PTPRD: variants seen among roughly 807,000 people sequenced by gnomAD.
The protein encoded by PTPRD is protein tyrosine phosphatase receptor type D.
Under a neutral mutation model 214.5 loss-of-function variants are expected in PTPRD, and 34 were observed. The observed-to-expected ratio is 0.16, with a 90% CI of 0.12 to 0.21. PTPRD has a LOEUF of 0.21. Among genes scored for constraint, PTPRD ranks in the 10% least tolerant of loss-of-function variants. PTPRD has a pLI of 1.00. For missense variants in PTPRD, 2,545 were observed against 2,398.7 expected, an observed-to-expected ratio of 1.06 and a Z score of -1.27; for synonymous variants, 1,128 against 845.7, an observed-to-expected ratio of 1.33 and a Z score of -5.79.
intron 8 of PTPRD, among the ~76,000 whole-genome samples, chr9:9,466,777 G>A (rs182911643): frequency 1.1e-4 from 17 of 152,062 alleles, no homozygotes; most frequent in Admixed American, 9.8e-4. Context: ...GTTAATCTGT[G>A]CAAAATGCCT....
intron 11 of PTPRD, among the ~76,000 whole-genome samples, chr9:8,798,162 G>A (rs993547706): frequency 3.9e-5 from 6 of 151,950 alleles, no homozygotes; most frequent in African/African-American, 1.5e-4. Flanking sequence ...TACATCTATG[G>A]ATCAAATTTT....
chr9:10,371,032 A>G (rs2154477552), intron 2 of PTPRD, among the ~76,000 whole-genome samples: 1 of 152,176 alleles, frequency 6.6e-6, no homozygotes, highest in African/African-American at 2.4e-5. Flanking sequence ...TAAAATTTAA[A>G]GTTATAATGA....
chr9:9,975,932 C>G (rs1389386053), intron 4 of PTPRD, among the ~76,000 whole-genome samples: 1 of 152,142 alleles, frequency 6.6e-6, no homozygotes, highest in Non-Finnish European at 1.5e-5. Flanking sequence ...AAAGTTAGTG[C>G]TACTAACGTT....
chr9:10,252,774 G>C (rs1332414653), intron 3 of PTPRD, among the ~76,000 whole-genome samples: 1 of 151,966 alleles, frequency 6.6e-6, no homozygotes, highest in African/African-American at 2.4e-5. Context: ...CACAGTCACA[G>C]AGCCGAAGTG....
At chr9:8,762,061 T>C (rs573109752) in intron 11 of PTPRD, among the ~76,000 whole-genome samples, 25 of 152,234 alleles carry the variant, frequency 1.6e-4, no homozygotes, top group African/African-American at 5.8e-4. Flanking sequence ...GAAGACTAAG[T>C]CTAACCTTTT....
chr9:8,427,199 G>A (rs966645683), intron 35 of PTPRD, among the ~76,000 whole-genome samples: 1 of 152,160 alleles, frequency 6.6e-6, no homozygotes, highest in African/African-American at 2.4e-5. Flanking sequence ...AGTTAAATCT[G>A]AGAGGTCTGC....
chr9:9,233,903 T>G (rs1173552052), intron 9 of PTPRD, among the ~76,000 whole-genome samples: 1 of 152,180 alleles, frequency 6.6e-6, no homozygotes, highest in African/African-American at 2.4e-5. Flanking sequence ...GGGCTGGCAT[T>G]GAATGTCTAC....
chr9:10,451,914 A>G (rs956125580), intron 2 of PTPRD, among the ~76,000 whole-genome samples: 1 of 152,054 alleles, frequency 6.6e-6, no homozygotes, highest in African/African-American at 2.4e-5. Context: ...ATTATTTTCG[A>G]ATTAAAGCTT....
At chr9:9,706,277 A>C (rs2097604551) in intron 7 of PTPRD, among the ~76,000 whole-genome samples, 1 of 152,110 alleles carries the variant, frequency 6.6e-6, no homozygotes, top group Non-Finnish European at 1.5e-5. Context: ...AATTCTCCTA[A>C]ACAATTATTC....
chr9:10,395,981 C>A (rs575867466), intron 2 of PTPRD, among the ~76,000 whole-genome samples: 1 of 139,118 alleles, frequency 7.2e-6, no homozygotes, highest in Non-Finnish European at 1.5e-5. Flanking sequence ...GAGAGAGAGA[C>A]AGCGAGAGAC....
intron 5 of PTPRD, among the ~76,000 whole-genome samples, chr9:9,928,757 T>TACAC (rs60820386): frequency 0.21 from 31,291 of 147,010 alleles, 3,507 homozygotes; most frequent in East Asian, 0.37. Context: ...TCTCTCTCTA[T>TACAC]ACACACACAC....
In PTPRD at chr9:8,807,572, G is replaced by C. The variant is rs908024217; in HGVS notation, c.-103-73626C>G. Among the ~76,000 whole-genome samples the C allele has an allele frequency of 1.2e-4, 18 of 149,814 alleles. 1 individual carries two copies. Among genetic ancestry groups the C allele is most frequent in the African/African-American group, 4.4e-4 (18 of 40,714 alleles). On this transcript the variant is annotated intron_variant, in intron 11 of 45. Coordinates refer to ENST00000381196, the MANE Select transcript of PTPRD (RefSeq NM_002839.4). ...GTTTTCTGTGTGGGTAATTTTATTTGTGAATGGTTAAAGAACTTTGAATAG... is the reference window on the plus strand; with the variant it reads ...GTTTTCTGTGTGGGTAATTTTATTTCTGAATGGTTAAAGAACTTTGAATAG...
intron 7 of PTPRD, among the ~76,000 whole-genome samples, chr9:9,666,191 A>G (rs2096718481): frequency 6.6e-6 from 1 of 151,976 alleles, no homozygotes; most frequent in African/African-American, 2.4e-5. Flanking sequence ...GCACTAAAAC[A>G]GGAAATGATT....
chr9:9,410,654 A>G (rs1321645025), intron 8 of PTPRD, among the ~76,000 whole-genome samples: 8 of 152,134 alleles, frequency 5.3e-5, no homozygotes, highest in Non-Finnish European at 8.8e-5. Context: ...AGTTTTAGGG[A>G]TTAGAATTAG....
In PTPRD at chr9:9,954,297, CAAAAAAAAAAA is replaced by C. The variant is rs781628679; in HGVS notation, c.-471-15698_-471-15688del. On this transcript the variant is annotated intron_variant, in intron 4 of 45. Coordinates refer to ENST00000381196, the MANE Select transcript of PTPRD (RefSeq NM_002839.4). The stretch of plus-strand genomic sequence containing the variant: ...GACAGATTGAGACTCTGTCTCAAAA[CAAAAAAAAAAA>C]AAAAAAAAAAAAAAAAGATCATTGT... 7.0e-3 allele frequency among the ~76,000 whole-genome samples: 379 copies of C among 53,794 alleles called. 1 individual carries two copies. The highest frequency in any genetic ancestry group is 0.018 in the African/African-American group (353 of 19,480). 35.3% of individuals were successfully genotyped at this position (53,794 alleles called of 152,430 possible).
intron 5 of PTPRD, among the ~76,000 whole-genome samples, chr9:9,885,205 A>G (rs147341693): frequency 2.6e-5 from 4 of 152,218 alleles, no homozygotes; most frequent in African/African-American, 9.6e-5. Flanking sequence ...GAAATTAAAG[A>G]AGTATTAATA....
intron 7 of PTPRD, among the ~76,000 whole-genome samples, chr9:9,692,899 A>G (rs1035758344): frequency 4.0e-5 from 6 of 151,788 alleles, no homozygotes; most frequent in Non-Finnish European, 1.5e-5. Context: ...TGTAAATGAG[A>G]TTAATTTTTA....
At chr9:9,285,876 G>GTATCTA (rs1201981555) in intron 9 of PTPRD, among the ~76,000 whole-genome samples, 27 of 151,084 alleles carry the variant, frequency 1.8e-4, no homozygotes, top group South Asian at 6.2e-4. Flanking sequence ...ATCTATATCT[G>GTATCTA]TATCTATATC....
intron 4 of PTPRD, among the ~76,000 whole-genome samples, chr9:9,966,926 C>G (rs1450253127): frequency 6.6e-6 from 1 of 152,132 alleles, no homozygotes; most frequent in Non-Finnish European, 1.5e-5. Context: ...TAAATACTGC[C>G]TCTGTGAATT....
Sources: gnomAD v4.1 joint callset for allele counts (sites outside exome capture counted in the v4.1 genomes callset) on GRCh38, gnomAD v4.1.1 for gene constraint, MANE v1.5 for transcripts, NCBI Gene and HGNC (gene_info 2026-07-23, HGNC 2026-07-21) for gene names.